P2RY1: variants seen among roughly 807,000 people sequenced by gnomAD.
The protein encoded by P2RY1 is P2Y purinoceptor 1.
In P2RY1, 14 loss-of-function variants were observed where a neutral mutation model predicts 22.8. That is an observed-to-expected ratio of 0.61 (90% CI 0.41 to 0.96). P2RY1 has a LOEUF of 0.96. Among genes scored for constraint, P2RY1 ranks in the 40% least tolerant of loss-of-function variants. The probability of loss-of-function intolerance (pLI) is 0.00; values close to 1 mark genes in which losing one functional copy is unlikely to be tolerated. For missense variants in P2RY1, 395 were observed against 470.3 expected (o/e 0.84, Z 1.48); for synonymous variants, 200 against 195.1 (o/e 1.03, Z -0.21).
rs1196654763 is a variant in P2RY1, at chr3:152,838,624, A to G, written c.*1720A>G. ...TTCAGGTCTTGATTTCAGTTCTTGCAATGCCTATGTAGATTGAGGATTTGT... is the reference window on the plus strand; with the variant it reads ...TTCAGGTCTTGATTTCAGTTCTTGCGATGCCTATGTAGATTGAGGATTTGT... On this transcript the variant is annotated 3_prime_UTR_variant, in exon 1 of 1. Coordinates refer to ENST00000305097, the MANE Select transcript of P2RY1 (RefSeq NM_002563.5). The G allele has an allele frequency of 6.6e-6, 1 of 152,192 alleles. No homozygotes were observed. The highest frequency in any genetic ancestry group is 2.4e-5 in the African/African-American group (1 of 41,444). 9.4% of individuals were successfully genotyped at this position (152,192 alleles called of 1,614,324 possible).
In P2RY1 at chr3:152,837,516, G is replaced by A. The variant is rs191831836; in HGVS notation, c.*612G>A. ...GTAAAGCTAATGAATTTAAAAGCCT[G>A]AAAAGTGATTGTTTTCCAGTTATTT... On this transcript the variant is annotated 3_prime_UTR_variant, in exon 1 of 1. Coordinates refer to ENST00000305097, the MANE Select transcript of P2RY1 (RefSeq NM_002563.5). 5.9e-6 allele frequency: 1 copy of A among 168,812 alleles called. No individual in the cohort carries two copies. Among genetic ancestry groups the A allele is most frequent in the East Asian group, 1.9e-4 (1 of 5,192 alleles). The allele number at this position is 168,812 out of a possible 1,614,324, so 10.5% of individuals were successfully genotyped here. A position where few individuals can be genotyped will look rare whatever the true frequency, so the allele number is the denominator to read the frequency against.
In P2RY1 at chr3:152,835,652, C is replaced by T; in HGVS notation, c.-131C>T. ...GTGGGCGAGCCCCTGCGCGCCCCCT[C>T]CCGCGGGGATCCAGTTCGCCTGCTC... On this transcript the variant is annotated 5_prime_UTR_variant, in exon 1 of 1. Transcript: ENST00000305097. The T allele has an allele frequency of 3.2e-6, 3 of 923,126 alleles. No individual in the cohort carries two copies. Among genetic ancestry groups the T allele is most frequent in the Non-Finnish European group, 4.7e-6 (3 of 634,808 alleles). 57.2% of individuals were successfully genotyped at this position (923,126 alleles called of 1,614,324 possible).
rs1000917673 is a variant in P2RY1, at chr3:152,838,074, A to G, written c.*1170A>G. The G allele has an allele frequency of 1.2e-5, 2 of 165,614 alleles. No homozygotes were observed. The highest frequency in any genetic ancestry group is 2.9e-5 in the Non-Finnish European group (2 of 68,112). The allele number at this position is 165,614 out of a possible 1,614,324, so 10.3% of individuals were successfully genotyped here. ...TATGAAAAGAAGAAATAGAATTTGT[A>G]TAGGTTGCATTGATAGAATGGGAAG... On this transcript the variant is annotated 3_prime_UTR_variant, in exon 1 of 1. Coordinates refer to ENST00000305097, the MANE Select transcript of P2RY1 (RefSeq NM_002563.5).
rs1372635962 is a variant in P2RY1 at position 152,837,352 on chromosome 3, G to A, written c.*448G>A. On this transcript the variant is annotated 3_prime_UTR_variant, in exon 1 of 1. Transcript: ENST00000305097. The stretch of plus-strand genomic sequence containing the variant: ...AAATCTATATTCTCAGAAATATCTA[G>A]CATGGTATATAACAAAACACTAAAC... 5.7e-6 allele frequency: 1 copy of A among 174,372 alleles called. No homozygotes were observed. Among genetic ancestry groups the A allele is most frequent in the East Asian group, 1.9e-4 (1 of 5,308 alleles). The allele number at this position is 174,372 out of a possible 1,614,324, so 10.8% of individuals were successfully genotyped here. A position where few individuals can be genotyped will look rare whatever the true frequency, so the allele number is the denominator to read the frequency against.
At position 152,837,060 on chromosome 3, in the gene P2RY1, C is replaced by T. The variant is rs1159778480; in HGVS notation, c.*156C>T. 3 of 631,970 alleles carry T rather than the reference C, an allele frequency of 4.7e-6. No individual in the cohort carries two copies. The highest frequency in any genetic ancestry group is 8.4e-6 in the Non-Finnish European group (3 of 359,110). The allele number at this position is 631,970 out of a possible 1,614,324, so 39.1% of individuals were successfully genotyped here. On this transcript the variant is annotated 3_prime_UTR_variant, in exon 1 of 1. Transcript: ENST00000305097. The stretch of plus-strand genomic sequence containing the variant: ...TAATAGAAGTAGAAATGCCCACATC[C>T]ACACTTAGCTTGTTTGGGTTTGCTT...
In P2RY1 at chr3:152,836,890, G is replaced by GATACAAGCC. The variant is rs780204035; in HGVS notation, c.1109_1117dup (p.Ser372_Leu373insHisThrSer). On this transcript the variant is annotated inframe_insertion, in exon 1 of 1. Coordinates refer to ENST00000305097, the MANE Select transcript of P2RY1 (RefSeq NM_002563.5). This position sits in a 1 kb window ranked among gnomAD's most constrained non-coding sequence, Gnocchi z 5.6. ...TTTACCTGAGTTCAAGCAGAATGGAGATACAAGCCTGTGAAGGCACAAGAA... is the reference window on the plus strand; with the variant it reads ...TTTACCTGAGTTCAAGCAGAATGGAGATACAAGCCATACAAGCCTGTGAAGGCACAAGAA... The GATACAAGCC allele has an allele frequency of 1.6e-5, 26 of 1,606,456 alleles. No individual in the cohort carries two copies. In the South Asian group the frequency reaches 2.7e-4, roughly 16 times the overall value.
chr3:152,836,933 G>A lies in P2RY1; in HGVS notation c.*29G>A. On this transcript the variant is annotated 3_prime_UTR_variant, in exon 1 of 1. Coordinates refer to ENST00000305097, the MANE Select transcript of P2RY1 (RefSeq NM_002563.5). The surrounding 1 kb of genome is among the most constrained non-coding windows in gnomAD (Gnocchi z 5.6). ...CACAAGAATCTCCAAACACCTCTCT[G>A]TTGTAATATGGTAGGATGCTTAACA... 1 of 1,531,014 alleles carries A rather than the reference G, an allele frequency of 6.5e-7. No homozygotes were observed. The highest frequency in any genetic ancestry group is 8.9e-7 in the Non-Finnish European group (1 of 1,125,110). 94.8% of individuals were successfully genotyped at this position (1,531,014 alleles called of 1,614,324 possible).
At position 152,836,571 on chromosome 3, in the gene P2RY1, C is replaced by T; in HGVS notation, c.789C>T (p.Ile263=). 1 of 1,614,170 alleles carries T rather than the reference C, an allele frequency of 6.2e-7. No homozygotes were observed. Among genetic ancestry groups the T allele is most frequent in the Non-Finnish European group, 8.5e-7 (1 of 1,180,018 alleles). Residue 263 remains isoleucine, a synonymous_variant, in exon 1 of 1, where the codon ATC becomes ATT. Transcript: ENST00000305097. This position sits in a 1 kb window ranked among gnomAD's most constrained non-coding sequence, Gnocchi z 5.6. ...PLRRKSIYLV[I]IVLTVFAVSY... ...GGAGAAAATCGATTTACCTGGTAAT[C>T]ATTGTACTGACTGTTTTTGCTGTGT... is the stretch of plus-strand genomic sequence containing the variant.
In P2RY1 at chr3:152,837,005, T is replaced by C; in HGVS notation, c.*101T>C. ...TTTAACTTTCTAGTTTAGAAAAAAA[T>C]CAAACCAAGAAAATAGTGAGTTAAA... is the stretch of plus-strand genomic sequence containing the variant. On this transcript the variant is annotated 3_prime_UTR_variant, in exon 1 of 1. Coordinates refer to ENST00000305097, the MANE Select transcript of P2RY1 (RefSeq NM_002563.5). 1.1e-6 allele frequency: 1 copy of C among 944,640 alleles called. No homozygotes were observed. Among genetic ancestry groups the C allele is most frequent in the South Asian group, 1.8e-5 (1 of 56,276 alleles). The allele number at this position is 944,640 out of a possible 1,614,324, so 58.5% of individuals were successfully genotyped here.
chr3:152,837,182 C>A lies in P2RY1; in HGVS notation c.*278C>A. 2.8e-6 allele frequency: 1 copy of A among 359,600 alleles called. No homozygotes were observed. Among genetic ancestry groups the A allele is most frequent in the Non-Finnish European group, 5.2e-6 (1 of 191,072 alleles). The allele number at this position is 359,600 out of a possible 1,614,324, so 22.3% of individuals were successfully genotyped here. A position where few individuals can be genotyped will look rare whatever the true frequency, so the allele number is the denominator to read the frequency against. ...CTCTTTTGCCTTTAAAATGTGCAGG[C>A]TTTTCTGTTTAAAGTGTGTGTGCAC... On this transcript the variant is annotated 3_prime_UTR_variant, in exon 1 of 1. Transcript: ENST00000305097.
chr3:152,837,199 T>C lies in P2RY1; in HGVS notation c.*295T>C, dbSNP rs1333915193. On this transcript the variant is annotated 3_prime_UTR_variant, in exon 1 of 1. Transcript: ENST00000305097. Reference sequence around the variant, plus strand: ...TGTGCAGGCTTTTCTGTTTAAAGTGTGTGTGCACATGAGTACTGGGGCTGT... The same window carrying C: ...TGTGCAGGCTTTTCTGTTTAAAGTGCGTGTGCACATGAGTACTGGGGCTGT... 5 of 305,980 alleles carry C rather than the reference T, an allele frequency of 1.6e-5. No homozygotes were observed. The highest frequency in any genetic ancestry group is 2.5e-5 in the Non-Finnish European group (4 of 157,506). The allele number at this position is 305,980 out of a possible 1,614,324, so 19.0% of individuals were successfully genotyped here. A position where few individuals can be genotyped will look rare whatever the true frequency, so the allele number is the denominator to read the frequency against.
In P2RY1 at chr3:152,836,981, T is replaced by C; in HGVS notation, c.*77T>C. The C allele has an allele frequency of 8.3e-7, 1 of 1,201,220 alleles. No homozygotes were observed. Among genetic ancestry groups the C allele is most frequent in the Non-Finnish European group, 1.2e-6 (1 of 853,284 alleles). The allele number at this position is 1,201,220 out of a possible 1,614,324, so 74.4% of individuals were successfully genotyped here. On this transcript the variant is annotated 3_prime_UTR_variant, in exon 1 of 1. Coordinates refer to ENST00000305097, the MANE Select transcript of P2RY1 (RefSeq NM_002563.5). The surrounding 1 kb of genome is among the most constrained non-coding windows in gnomAD (Gnocchi z 5.6). ...ACAGAATCAAGTACTTTTCCCCTCT[T>C]TAACTTTCTAGTTTAGAAAAAAATC...
In P2RY1 at chr3:152,836,098, G is replaced by T; in HGVS notation, c.316G>T (p.Ala106Ser). The T allele has an allele frequency of 1.2e-6, 2 of 1,614,154 alleles. No homozygotes were observed. Among genetic ancestry groups the T allele is most frequent in the Middle Eastern group, 1.6e-4 (1 of 6,062 alleles). ...ADFLYVLTLP[A>S]LIFYYFNKTD... ...CTTCTTGTACGTGCTGACTCTGCCA[G>T]CCCTGATCTTCTACTACTTCAATAA... Residue 106 changes from alanine to serine, a missense_variant, in exon 1 of 1, where the codon GCC (alanine) becomes TCC (serine). By Grantham distance (99) the Ala-to-Ser change is moderately conservative (BLOSUM62 1). Coordinates refer to ENST00000305097, the MANE Select transcript of P2RY1 (RefSeq NM_002563.5). The surrounding 1 kb of genome is among the most constrained non-coding windows in gnomAD (Gnocchi z 5.6).
rs7643597 is a variant in P2RY1, at chr3:152,837,539, T to C, written c.*635T>C. On this transcript the variant is annotated 3_prime_UTR_variant, in exon 1 of 1. Transcript: ENST00000305097. ...CTGAAAAGTGATTGTTTTCCAGTTA[T>C]TTCTGGAAAAGGTCTCATTATATAT... 0.016 allele frequency: 2,737 copies of C among 168,216 alleles called. 74 individuals are homozygous for C. The highest frequency in any genetic ancestry group is 0.061 in the African/African-American group (2,547 of 41,600). 10.4% of individuals were successfully genotyped at this position (168,216 alleles called of 1,614,324 possible). A position where few individuals can be genotyped will look rare whatever the true frequency, so the allele number is the denominator to read the frequency against.
rs772467910 is a variant in P2RY1 at position 152,836,742 on chromosome 3, C to T, written c.960C>T (p.Asp320=). The change falls in exon 1 of 1, where the codon GAC becomes GAT. Residue 320 remains aspartate (D), a synonymous_variant. Transcript: ENST00000305097. The surrounding 1 kb of genome is among the most constrained non-coding windows in gnomAD (Gnocchi z 5.6). ...RGLASLNSCV[D]PILYFLAGDT... ...TAGCAAGTCTCAACAGTTGTGTGGA[C>T]CCCATTCTCTATTTCTTGGCGGGAG... 5.0e-6 allele frequency: 8 copies of T among 1,614,024 alleles called. No homozygotes were observed. The African/African-American group carries it at 8.0e-5, about 16-fold the overall frequency.
chr3:152,835,651 T>C lies in P2RY1; in HGVS notation c.-132T>C, dbSNP rs1006029966. 4 of 909,060 alleles carry C rather than the reference T, an allele frequency of 4.4e-6. No individual in the cohort carries two copies. The highest frequency in any genetic ancestry group is 6.4e-6 in the Non-Finnish European group (4 of 622,496). The allele number at this position is 909,060 out of a possible 1,614,324, so 56.3% of individuals were successfully genotyped here. On this transcript the variant is annotated 5_prime_UTR_variant, in exon 1 of 1. Transcript: ENST00000305097. ...CGTGGGCGAGCCCCTGCGCGCCCCCTCCCGCGGGGATCCAGTTCGCCTGCT... is the reference window on the plus strand; with the variant it reads ...CGTGGGCGAGCCCCTGCGCGCCCCCCCCCGCGGGGATCCAGTTCGCCTGCT...
rs745510542 is a variant in P2RY1, at chr3:152,836,841, G to A, written c.1059G>A (p.Lys353=). The change falls in exon 1 of 1, where the codon AAG becomes AAA. Residue 353 remains lysine, a synonymous_variant. Transcript: ENST00000305097. This position sits in a 1 kb window ranked among gnomAD's most constrained non-coding sequence, Gnocchi z 5.6. ...SRRSEANLQS[K]SEDMTLNILP... ...GAAGTGAGGCAAATTTGCAATCCAA[G>A]AGTGAAGACATGACCCTCAATATTT... 8.1e-6 allele frequency: 13 copies of A among 1,613,820 alleles called. No homozygotes were observed. The Admixed American group carries it at 1.7e-4, about 21-fold the overall frequency.
rs964704640 is a variant in P2RY1 at position 152,838,352 on chromosome 3, C to T, written c.*1448C>T. The T allele has an allele frequency of 2.0e-5, 3 of 152,096 alleles. No individual in the cohort carries two copies. The highest frequency in any genetic ancestry group is 7.2e-5 in the African/African-American group (3 of 41,408). 9.4% of individuals were successfully genotyped at this position (152,096 alleles called of 1,614,324 possible). A position where few individuals can be genotyped will look rare whatever the true frequency, so the allele number is the denominator to read the frequency against. Reference sequence around the variant, plus strand: ...ATATTGAATTGCTGCATGTCTAGTCCTTGAAATGGTCAAATTCTATATAAT... The same window carrying T: ...ATATTGAATTGCTGCATGTCTAGTCTTTGAAATGGTCAAATTCTATATAAT... On this transcript the variant is annotated 3_prime_UTR_variant, in exon 1 of 1. Transcript: ENST00000305097.
In P2RY1 at chr3:152,839,344, G is replaced by A. The variant is rs966305787; in HGVS notation, c.*2440G>A. The stretch of plus-strand genomic sequence containing the variant: ...AATGGTGAAAACGTACAGAGGGTCA[G>A]GGTGAAGCAGTGATCTCTATTGGCT... On this transcript the variant is annotated 3_prime_UTR_variant, in exon 1 of 1. Transcript: ENST00000305097. 1.9e-4 allele frequency: 29 copies of A among 152,166 alleles called. No individual in the cohort carries two copies. Among genetic ancestry groups the A allele is most frequent in the African/African-American group, 7.0e-4 (29 of 41,444 alleles). The allele number at this position is 152,166 out of a possible 1,614,324, so 9.4% of individuals were successfully genotyped here.
Sources: gnomAD v4.1 joint callset for allele counts on GRCh38, gnomAD v4.1.1 for gene constraint, Gnocchi (gnomAD v3.1) non-coding constraint, MANE v1.5 for transcripts, NCBI Gene and HGNC (gene_info 2026-07-23, HGNC 2026-07-21) for gene names.